Variants in DNAH2 observed in about 807,000 individuals in gnomAD.
DNAH2 encodes the protein axonemal beta dynein heavy chain 2.
DNAH2 carries 323 observed loss-of-function variants against 523.5 expected under a neutral mutation model. That is an observed-to-expected ratio of 0.62 (90% CI 0.56 to 0.68). The LOEUF is 0.68. Among genes scored for constraint, DNAH2 ranks in the 30% least tolerant of loss-of-function variants. DNAH2 has a pLI of 0.00. For missense variants in DNAH2, 4,907 were observed against 5,701.5 expected, an observed-to-expected ratio of 0.86 and a Z score of 4.49; for synonymous variants, 2,093 against 2,177.4, an observed-to-expected ratio of 0.96 and a Z score of 1.08.
intron 63 of DNAH2, among the ~76,000 whole-genome samples, chr17:7,810,900 A>C (rs1218071725): frequency 6.6e-6 from 1 of 152,186 alleles, no homozygotes; most frequent in Non-Finnish European, 1.5e-5. Flanking sequence ...GATCAGAACA[A>C]ATTTTGAGTA....
Position 7,830,308 on chromosome 17 carries a change from G to A in DNAH2, c.11862G>A (p.Lys3954=). Residue 3954 remains lysine (K), a synonymous_variant, in exon 78 of 86, where the codon AAG becomes AAA. Transcript: ENST00000572933. The stretch of plus-strand genomic sequence containing the variant: ...TATTTCATTGTCCCCAGGGCCTAAA[G>A]GCCAACATGACACGTCTTTACCAAC... ...KMTTEPPKGL[K]ANMTRLYQLM... The A allele has an allele frequency of 6.2e-7, 1 of 1,613,944 alleles. No individual in the cohort carries two copies. Among genetic ancestry groups the A allele is most frequent in the Non-Finnish European group, 8.5e-7 (1 of 1,179,930 alleles).
chr17:7,739,596 A>C, intron 8 of DNAH2, 137 bp from the exon 9 acceptor site: 4 of 849,978 alleles, frequency 4.7e-6, no homozygotes, highest in Non-Finnish European at 7.0e-6. Context: ...GTTTTTAGAT[A>C]TTTTCTTCTT....
intron 3 of DNAH2, among the ~76,000 whole-genome samples, chr17:7,726,697 C>G (rs1282705924): frequency 6.6e-6 from 1 of 152,178 alleles, no homozygotes; most frequent in East Asian, 1.9e-4. Context: ...CTTTTGGACT[C>G]CATCGTGAAG....
chr17:7,738,118 C>G, intron 8 of DNAH2: 1 of 703,462 alleles, frequency 1.4e-6, no homozygotes, highest in Non-Finnish European at 2.6e-6. Flanking sequence ...AGATGCACAT[C>G]CAGTATGATA....
chr17:7,750,132 C>A (rs564046869), intron 12 of DNAH2, among the ~76,000 whole-genome samples: 2 of 152,296 alleles, frequency 1.3e-5, no homozygotes, highest in South Asian at 2.1e-4. Flanking sequence ...GATCCACACA[C>A]CTCAGCCTCC....
At chr17:7,764,326 C>G in intron 20 of DNAH2, 53 bp downstream of exon 20, 1 of 1,552,540 alleles carries the variant, frequency 6.4e-7, no homozygotes, top group South Asian at 1.2e-5. Flanking sequence ...CAGCAGATTG[C>G]GGGGGAGGCC....
At position 7,798,011 on chromosome 17, in the gene DNAH2, C is replaced by T; in HGVS notation, c.8231-146C>T. The T allele has an allele frequency of 7.4e-7, 1 of 1,354,906 alleles. No individual in the cohort carries two copies. Among genetic ancestry groups the T allele is most frequent in the Non-Finnish European group, 1.0e-6 (1 of 1,001,134 alleles). The allele number at this position is 1,354,906 out of a possible 1,614,324, so 83.9% of individuals were successfully genotyped here. On this transcript the variant is annotated intron_variant, in intron 53 of 85. Coordinates refer to ENST00000572933, the MANE Select transcript of DNAH2 (RefSeq NM_020877.5). The surrounding 1 kb of genome is among the most constrained non-coding windows in gnomAD (Gnocchi z 5.5). ...AAGGTGGAGGTTAAAAGTTGAATTG[C>T]CTCCTGGGCCTTGGGCACCAACTTC...
At position 7,775,018 on chromosome 17, in the gene DNAH2, G is replaced by T. The variant is rs762129452; in HGVS notation, c.4719+42G>T. On this transcript the variant is annotated intron_variant, in intron 29 of 85. Transcript: ENST00000572933. ...ACAGTGAGATGCTGGGTGGCGAAGG[G>T]AGGGTGTTGGGGTATGAAAAGCTTT... The T allele has an allele frequency of 6.9e-6, 11 of 1,598,262 alleles. No homozygotes were observed. In the East Asian group the frequency reaches 2.2e-4, roughly 32 times the overall value.
chr17:7,817,810 C>G lies in DNAH2; in HGVS notation c.10190C>G (p.Pro3397Arg), dbSNP rs781343183. The change falls in exon 67 of 86, where the codon CCT becomes CGT. Residue 3397 changes from proline to arginine, a missense_variant. Coordinates refer to ENST00000572933, the MANE Select transcript of DNAH2 (RefSeq NM_020877.5). ...RGNRWALMID[P>R]QAQALKWIKN... ...TCCAGGTGGGCACTGATGATCGACCCTCAGGCCCAGGCCCTGAAATGGATT... is the reference window on the plus strand; with the variant it reads ...TCCAGGTGGGCACTGATGATCGACCGTCAGGCCCAGGCCCTGAAATGGATT... 2 of 1,614,132 alleles carry G rather than the reference C, an allele frequency of 1.2e-6. No homozygotes were observed. Among genetic ancestry groups the G allele is most frequent in the Non-Finnish European group, 1.7e-6 (2 of 1,180,018 alleles).
intron 4 of DNAH2, among the ~76,000 whole-genome samples, chr17:7,728,311 GA>G (rs989065517): frequency 1.3e-5 from 2 of 151,694 alleles, no homozygotes; most frequent in East Asian, 1.9e-4. Flanking sequence ...GAAAATTTTG[GA>G]AAAAAAATGT....
intron 22 of DNAH2, among the ~76,000 whole-genome samples, 159 bp downstream of exon 22, chr17:7,766,640 CTTTTTTTTTTTTTT>C (rs58072098): frequency 2.4e-5 from 2 of 84,430 alleles, no homozygotes; most frequent in African/African-American, 9.2e-5. Context: ...AAAATTAATC[CTTTTTTTTTTTTTT>C]TTTTTTTTTT....
At chr17:7,775,026 TG>T in intron 29 of DNAH2, 50 bp downstream of exon 29, 1 of 1,584,488 alleles carries the variant, frequency 6.3e-7, no homozygotes, top group Non-Finnish European at 8.6e-7. Context: ...GGGAGGGTGT[TG>T]GGGTATGAAA....
Position 7,727,126 on chromosome 17 carries a change from C to T in DNAH2, c.233C>T (p.Pro78Leu), listed in dbSNP as rs369384877. Reference sequence around the variant, plus strand: ...CCCTCTGCTCTCCTTCTGTAGAAGCCCCTCTTCCTTTCCCGAGCTGCGCTG... The same window carrying T: ...CCCTCTGCTCTCCTTCTGTAGAAGCTCCTCTTCCTTTCCCGAGCTGCGCTG... ...ESVEPEADVKPLFLSRAALTG... is the reference protein window; with the variant it reads ...ESVEPEADVKLLFLSRAALTG... Residue 78 changes from proline to leucine, a missense_variant, in exon 4 of 86, where the codon CCC (proline) becomes CTC (leucine). Physicochemically the swap from Pro to Leu is moderately conservative, Grantham distance 98. This residue lies in a region of DNAH2 where 2,806 missense variants were observed against 3,190.8 expected (regional missense o/e 0.88). Transcript: ENST00000572933. 2.6e-6 allele frequency: 4 copies of T among 1,559,694 alleles called. No homozygotes were observed. Among genetic ancestry groups the T allele is most frequent in the Admixed American group, 4.3e-5 (2 of 46,360 alleles).
At chr17:7,738,729 A>G (rs944361193) in intron 8 of DNAH2, among the ~76,000 whole-genome samples, 2 of 151,850 alleles carry the variant, frequency 1.3e-5, no homozygotes, top group African/African-American at 4.8e-5. Context: ...ATTATGTATG[A>G]ATCTGCTCCT....
intron 44 of DNAH2, among the ~76,000 whole-genome samples, chr17:7,790,958 C>T (rs977682319): frequency 2.6e-5 from 4 of 152,202 alleles, no homozygotes; most frequent in Non-Finnish European, 5.9e-5. Flanking sequence ...ACTCCCACCT[C>T]AGCTTCCCAA....
At chr17:7,817,254 G>A in intron 64 of DNAH2, 36 bp from the exon 65 acceptor site, 1 of 1,575,612 alleles carries the variant, frequency 6.3e-7, no homozygotes, top group Non-Finnish European at 8.6e-7. Context: ...AGAGTGCTGG[G>A]GCCCAGGCAG....
At chr17:7,748,107 A>G (rs1307771621) in intron 12 of DNAH2, among the ~76,000 whole-genome samples, 2 of 152,336 alleles carry the variant, frequency 1.3e-5, no homozygotes, top group East Asian at 1.9e-4. Flanking sequence ...GGGTTTTGGT[A>G]TCCCACCTAT....
chr17:7,734,800 C>A, intron 7 of DNAH2, 92 bp downstream of exon 7: 1 of 1,359,094 alleles, frequency 7.4e-7, no homozygotes, highest in Non-Finnish European at 1.0e-6. Context: ...GGAGCCAAGG[C>A]AATCTTCGAT....
At chr17:7,810,545 C>T (rs1166688037) in intron 63 of DNAH2, among the ~76,000 whole-genome samples, 2 of 152,032 alleles carry the variant, frequency 1.3e-5, no homozygotes, top group African/African-American at 4.8e-5. Flanking sequence ...TCTGCCACCA[C>T]GCCCGGCTAA....
Sources: gnomAD v4.1 joint callset for allele counts (sites outside exome capture counted in the v4.1 genomes callset) on GRCh38, gnomAD v4.1.1 for gene constraint, gnomAD v4.1.1 regional missense constraint, Gnocchi (gnomAD v3.1) non-coding constraint, MANE v1.5 for transcripts, NCBI Gene and HGNC (gene_info 2026-07-23, HGNC 2026-07-21) for gene names.